Variants in HNRNPA1L2 observed in about 807,000 individuals in gnomAD.
HNRNPA1L2 encodes the protein heterogeneous nuclear ribonucleoprotein A1 like 2.
A neutral mutation model predicts 18.2 loss-of-function variants in HNRNPA1L2; 10 were observed. The ratio of observed to expected loss-of-function variants is 0.55; its 90% CI spans 0.34 to 0.93. HNRNPA1L2 has a LOEUF of 0.93. Among genes scored for constraint, HNRNPA1L2 ranks in the 40% least tolerant of loss-of-function variants. HNRNPA1L2 has a pLI of 0.02. For synonymous variants in HNRNPA1L2, 124 were observed against 138.6 expected (o/e 0.89, Z 0.74); for missense variants, 308 against 394.4 (o/e 0.78, Z 1.85).
chr13:52,631,082 A>G, the HNRNPA1L2 span, among the ~76,000 whole-genome samples: 1 of 152,160 alleles, frequency 6.6e-6, no homozygotes, highest in East Asian at 1.9e-4. Context: ...AAGGGGAAGC[A>G]ATGGTGAGAT....
At chr13:52,622,912 G>A in the HNRNPA1L2 span, among the ~76,000 whole-genome samples, 1 of 151,892 alleles carries the variant, frequency 6.6e-6, no homozygotes, top group Non-Finnish European at 1.5e-5. Context: ...ATTAATTCAA[G>A]TAGTAAGGTG....
At chr13:52,639,136 G>A (rs553256982), upstream of HNRNPA1L2, among the ~76,000 whole-genome samples, 2 of 152,290 alleles carry the variant, frequency 1.3e-5, no homozygotes, top group Admixed American at 6.5e-5. Context: ...TTGCAAAGGC[G>A]ATGCACATTC....
chr13:52,638,046 C>T (rs776822911), upstream of HNRNPA1L2, among the ~76,000 whole-genome samples: 1 of 152,080 alleles, frequency 6.6e-6, no homozygotes, highest in Non-Finnish European at 1.5e-5. Flanking sequence ...AATGAAAAGA[C>T]CATCCATATT....
chr13:52,627,109 G>T, the HNRNPA1L2 span, among the ~76,000 whole-genome samples: 1 of 152,166 alleles, frequency 6.6e-6, no homozygotes. Flanking sequence ...CTGTGAACAG[G>T]TTAAGCTGCC....
the HNRNPA1L2 span, among the ~76,000 whole-genome samples, chr13:52,622,999 A>G: frequency 6.6e-6 from 1 of 152,134 alleles, no homozygotes; most frequent in Non-Finnish European, 1.5e-5. Flanking sequence ...TTCCAGAATG[A>G]TTTAACATTT....
upstream of HNRNPA1L2, among the ~76,000 whole-genome samples, chr13:52,638,683 A>C (rs1961542510): frequency 1.3e-5 from 2 of 152,170 alleles, no homozygotes; most frequent in African/African-American, 4.8e-5. Flanking sequence ...TTGCCTATTA[A>C]ATTGGGAAGA....
chr13:52,635,222 A>G, the HNRNPA1L2 span, among the ~76,000 whole-genome samples: 3 of 152,324 alleles, frequency 2.0e-5, no homozygotes, highest in Non-Finnish European at 4.4e-5. Flanking sequence ...AAGCAAATAG[A>G]TAAAATAAGG....
At chr13:52,623,685 A>G in the HNRNPA1L2 span, among the ~76,000 whole-genome samples, 3 of 152,200 alleles carry the variant, frequency 2.0e-5, no homozygotes, top group Non-Finnish European at 4.4e-5. Context: ...TTCATGAGGC[A>G]CTGTCATCAT....
Position 52,642,650 on chromosome 13 carries a change from G to T in HNRNPA1L2, c.158G>T (p.Arg53Leu), listed in dbSNP as rs910963743. The T allele has an allele frequency of 6.2e-7, 1 of 1,611,488 alleles. No homozygotes were observed. Among genetic ancestry groups the T allele is most frequent in the South Asian group, 1.1e-5 (1 of 90,960 alleles). ...CVVMRDPNTK[R>L]SRGFGFVTYA... ...GTAATGAGAGATCCAAACACCAAGC[G>T]CTCCAGGGGCTTTGGGTTTGTCACA... The change falls in exon 1 of 1, where the codon CGC becomes CTC. Residue 53 changes from arginine to leucine, a missense_variant. Physicochemically the swap from Arg to Leu is moderately radical, Grantham distance 102. Transcript: ENST00000357495.
chr13:52,640,162 A>G (rs1031673947), upstream of HNRNPA1L2, among the ~76,000 whole-genome samples: 4 of 152,128 alleles, frequency 2.6e-5, no homozygotes, highest in African/African-American at 9.7e-5. Flanking sequence ...TCTGGTCTCC[A>G]ACTCCTGGGC....
chr13:52,625,281 AT>A, the HNRNPA1L2 span, among the ~76,000 whole-genome samples: 1 of 151,670 alleles, frequency 6.6e-6, no homozygotes, highest in African/African-American at 2.4e-5. Flanking sequence ...TGCCTGGCTA[AT>A]TTTTTTGGTT....
At chr13:52,619,180 T>C in the HNRNPA1L2 span, among the ~76,000 whole-genome samples, 1 of 151,900 alleles carries the variant, frequency 6.6e-6, no homozygotes, top group Non-Finnish European at 1.5e-5. Flanking sequence ...GTATTTTTAG[T>C]AGAGATGGGG....
At chr13:52,626,487 A>T in the HNRNPA1L2 span, among the ~76,000 whole-genome samples, 2 of 151,620 alleles carry the variant, frequency 1.3e-5, no homozygotes, top group East Asian at 3.9e-4. Flanking sequence ...TCATAATAGG[A>T]TGTTTTTATA....
In HNRNPA1L2 at chr13:52,642,848, A is replaced by G. The variant is rs1566163922; in HGVS notation, c.356A>G (p.His119Arg). The G allele has an allele frequency of 3.1e-6, 5 of 1,596,616 alleles. No homozygotes were observed. The highest frequency in any genetic ancestry group is 3.4e-6 in the Non-Finnish European group (4 of 1,179,668). ...VGGIKEDTEE[H>R]HLRDYFEQYG... Reference sequence around the variant, plus strand: ...GGCATTAAAGAAGACACTGAAGAACATCACCTAAGAGATTATTTTGAACAG... The same window carrying G: ...GGCATTAAAGAAGACACTGAAGAACGTCACCTAAGAGATTATTTTGAACAG... The change falls in exon 1 of 1, where the codon CAT (histidine) becomes CGT (arginine). Residue 119 changes from histidine to arginine, a missense_variant. Coordinates refer to ENST00000357495, the MANE Select transcript of HNRNPA1L2 (RefSeq NM_001389320.1).
the HNRNPA1L2 span, among the ~76,000 whole-genome samples, chr13:52,621,351 G>A: frequency 6.6e-6 from 1 of 152,116 alleles, no homozygotes; most frequent in Non-Finnish European, 1.5e-5. Context: ...AGCTTGATGA[G>A]AATGTTGATC....
the HNRNPA1L2 span, chr13:52,637,162 C>T: frequency 6.6e-6 from 1 of 152,440 alleles, no homozygotes; most frequent in African/African-American, 2.4e-5. Flanking sequence ...GCTGTTATCT[C>T]TCCGTGAGTA....
Position 52,642,900 on chromosome 13 carries a change from C to A in HNRNPA1L2, c.408C>A (p.Ile136=), listed in dbSNP as rs9536211. ...ATGGAAAAATTGAAGTAATTGAAATCATGACTGACCGAGGCAGTGGCAAGA... is the reference window on the plus strand; with the variant it reads ...ATGGAAAAATTGAAGTAATTGAAATAATGACTGACCGAGGCAGTGGCAAGA... ...EQYGKIEVIE[I]MTDRGSGKKR... The change falls in exon 1 of 1, where the codon ATC becomes ATA. Residue 136 remains isoleucine (I), a synonymous_variant. Coordinates refer to ENST00000357495, the MANE Select transcript of HNRNPA1L2 (RefSeq NM_001389320.1). The A allele has an allele frequency of 0.38, 610,066 of 1,596,288 alleles. 120,119 individuals are homozygous for A. Among genetic ancestry groups the A allele is most frequent in the Non-Finnish European group, 0.41 (479,583 of 1,179,434 alleles).
chr13:52,626,338 C>T, the HNRNPA1L2 span, among the ~76,000 whole-genome samples: 7 of 150,942 alleles, frequency 4.6e-5, no homozygotes, highest in African/African-American at 1.7e-4. Flanking sequence ...TGCCTGTAGT[C>T]CAAGCTACTC....
the HNRNPA1L2 span, chr13:52,629,330 C>T: frequency 4.5e-6 from 1 of 221,350 alleles, no homozygotes; most frequent in Non-Finnish European, 9.8e-6. Flanking sequence ...ATTATCCTGG[C>T]CTGGAGAAGA....
Sources: gnomAD v4.1 joint callset for allele counts (sites outside exome capture counted in the v4.1 genomes callset) on GRCh38, gnomAD v4.1.1 for gene constraint, MANE v1.5 for transcripts, NCBI Gene and HGNC (gene_info 2026-07-23, HGNC 2026-07-21) for gene names.